STK32B: variants seen among roughly 807,000 people sequenced by gnomAD.
STK32B encodes the protein serine/threonine kinase 32B, also known as serine/threonine-protein kinase 32B.
A neutral mutation model predicts 52.6 loss-of-function variants in STK32B; 43 were observed. That is an observed-to-expected ratio of 0.82 (90% CI 0.64 to 1.05). The LOEUF (loss-of-function observed/expected upper bound fraction) is 1.05, where lower values mean the gene tolerates loss of function less well. Among genes scored for constraint, STK32B ranks in the 50% least tolerant of loss-of-function variants. The pLI, the probability that STK32B is intolerant of heterozygous loss-of-function variation, is 0.00. For synonymous variants in STK32B, 238 were observed against 204.3 expected (o/e 1.17, Z -1.41); for missense variants, 621 against 534.6 (o/e 1.16, Z -1.59).
chr4:5,204,976 G>C (rs1257599548), intron 3 of STK32B, among the ~76,000 whole-genome samples: 1 of 152,192 alleles, frequency 6.6e-6, no homozygotes, highest in Admixed American at 6.5e-5. Flanking sequence ...AAGCAGATTA[G>C]CATTTGAATC....
At chr4:5,319,300 C>T (rs28638108) in intron 3 of STK32B, among the ~76,000 whole-genome samples, 2 of 152,154 alleles carry the variant, frequency 1.3e-5, no homozygotes, top group Non-Finnish European at 2.9e-5. Context: ...GGTTTGTGTG[C>T]TCTCCTGAAT....
intron 6 of STK32B, chr4:5,436,572 C>T: frequency 1.0e-6 from 1 of 985,354 alleles, no homozygotes; most frequent in African/African-American, 1.7e-5. Flanking sequence ...AGAGGCCCAG[C>T]TGGGAAGCTA....
At chr4:5,256,549 C>T (rs1055498723) in intron 3 of STK32B, among the ~76,000 whole-genome samples, 6 of 152,214 alleles carry the variant, frequency 3.9e-5, no homozygotes, top group African/African-American at 1.2e-4. Context: ...AAACTCAAAG[C>T]ATTACTTGCT....
intron 3 of STK32B, among the ~76,000 whole-genome samples, chr4:5,220,607 AG>A (rs1444395176): frequency 6.6e-6 from 1 of 152,238 alleles, no homozygotes; most frequent in East Asian, 1.9e-4. Flanking sequence ...CTGGAAAGGC[AG>A]GGAGAAGGTC....
chr4:5,448,179 A>G (rs1422547346), intron 7 of STK32B, among the ~76,000 whole-genome samples: 1 of 152,240 alleles, frequency 6.6e-6, no homozygotes, highest in Non-Finnish European at 1.5e-5. Flanking sequence ...ATTTCCCCTG[A>G]ATTCCTCAAA....
intron 1 of STK32B, among the ~76,000 whole-genome samples, chr4:5,079,896 G>A (rs1044172538): frequency 2.0e-5 from 3 of 152,128 alleles, no homozygotes; most frequent in Non-Finnish European, 1.5e-5. Flanking sequence ...TCACTTATAT[G>A]TGATCTCTAA....
In STK32B at chr4:5,380,586, C is replaced by G. The variant is rs1402237500; in HGVS notation, c.435-17621C>G. On this transcript the variant is annotated intron_variant, in intron 4 of 11. Coordinates refer to ENST00000282908, the MANE Select transcript of STK32B (RefSeq NM_018401.3). This position sits in a 1 kb window ranked among gnomAD's most constrained non-coding sequence, Gnocchi z 4.3. ...TGCAAGTCCCACCCCATAGGAGCAG[C>G]TGGGACTGAGTACCCATGACACGCA... Among the ~76,000 whole-genome samples, 4 of 152,326 alleles carry G rather than the reference C, an allele frequency of 2.6e-5. No individual in the cohort carries two copies. The highest frequency in any genetic ancestry group is 9.6e-5 in the African/African-American group (4 of 41,576).
chr4:5,345,909 C>A (rs1041064212), intron 4 of STK32B, among the ~76,000 whole-genome samples: 1 of 152,178 alleles, frequency 6.6e-6, no homozygotes, highest in Non-Finnish European at 1.5e-5. Context: ...CAACATCCTC[C>A]CTCCCTGAAG....
intron 2 of STK32B, among the ~76,000 whole-genome samples, chr4:5,155,605 G>T (rs1473457318): frequency 6.6e-6 from 1 of 152,128 alleles, no homozygotes; most frequent in Non-Finnish European, 1.5e-5. Context: ...CAAGGGAGGG[G>T]CCTGGTGGGA....
At chr4:5,131,509 G>T (rs1293376931) in intron 1 of STK32B, among the ~76,000 whole-genome samples, 3 of 152,048 alleles carry the variant, frequency 2.0e-5, no homozygotes, top group Non-Finnish European at 4.4e-5. Flanking sequence ...AAACTTCCTA[G>T]AGCCCTTACC....
chr4:5,184,400 C>T (rs1720580347), intron 3 of STK32B, among the ~76,000 whole-genome samples: 1 of 152,090 alleles, frequency 6.6e-6, no homozygotes, highest in Non-Finnish European at 1.5e-5. Context: ...GCTCATGATG[C>T]CCCAAAACAA....
intron 3 of STK32B, among the ~76,000 whole-genome samples, chr4:5,262,727 A>C (rs564457423): frequency 6.6e-6 from 1 of 152,180 alleles, no homozygotes; most frequent in Non-Finnish European, 1.5e-5. Context: ...ACAGCATGTA[A>C]ATGTGATCTC....
chr4:5,401,874 GCTTGGCTGAT>G (rs1219801446), intron 5 of STK32B, among the ~76,000 whole-genome samples: 1 of 152,222 alleles, frequency 6.6e-6, no homozygotes, highest in African/African-American at 2.4e-5. Flanking sequence ...TCTAGGCTGG[GCTTGGCTGAT>G]CTTGGCTGGG....
chr4:5,452,461 AT>A (rs1303635817), intron 7 of STK32B, among the ~76,000 whole-genome samples: 5 of 152,160 alleles, frequency 3.3e-5, no homozygotes, highest in African/African-American at 1.2e-4. Context: ...TGTGATCTCC[AT>A]TCAAAGGAGG....
chr4:5,114,345 C>T (rs930231308), intron 1 of STK32B, among the ~76,000 whole-genome samples: 1 of 151,996 alleles, frequency 6.6e-6, no homozygotes, highest in Admixed American at 6.6e-5. Flanking sequence ...AGGAACCTTC[C>T]TGGACCCAGA....
rs965080520 is a variant in STK32B at position 5,378,834 on chromosome 4, A to G, written c.435-19373A>G. On this transcript the variant is annotated intron_variant, in intron 4 of 11. Coordinates refer to ENST00000282908, the MANE Select transcript of STK32B (RefSeq NM_018401.3). This position sits in a 1 kb window ranked among gnomAD's most constrained non-coding sequence, Gnocchi z 4.4. ...GCCCCATCCCGAAGACTCGGGCTTC[A>G]CTGCTGACTGGGGCTTGTGATCCTG... Among the ~76,000 whole-genome samples the G allele has an allele frequency of 3.3e-5, 5 of 152,158 alleles. No homozygotes were observed. Among genetic ancestry groups the G allele is most frequent in the African/African-American group, 1.2e-4 (5 of 41,422 alleles).
chr4:5,331,933 C>G (rs1732279560), intron 4 of STK32B, among the ~76,000 whole-genome samples: 2 of 152,156 alleles, frequency 1.3e-5, no homozygotes, highest in Admixed American at 6.5e-5. Flanking sequence ...AGCAAAGTGA[C>G]TTTGCCTGCA....
chr4:5,456,614 C>A (rs773307066), intron 7 of STK32B, among the ~76,000 whole-genome samples, 193 bp from the exon 8 acceptor site: 23 of 152,234 alleles, frequency 1.5e-4, no homozygotes, highest in Non-Finnish European at 2.2e-4. Flanking sequence ...CCTGCCAGGT[C>A]CTGCACTGCC....
chr4:5,155,653 T>C (rs962486913), intron 2 of STK32B, among the ~76,000 whole-genome samples: 1 of 152,112 alleles, frequency 6.6e-6, no homozygotes, highest in Non-Finnish European at 1.5e-5. Flanking sequence ...CCCATGCTGT[T>C]CTCATGATAG....
Sources: allele counts gnomAD v4.1 joint callset (sites outside exome capture counted in the v4.1 genomes callset), GRCh38; gene constraint gnomAD v4.1.1; non-coding constraint Gnocchi (gnomAD v3.1); transcripts MANE v1.5; gene names NCBI Gene and HGNC (gene_info 2026-07-23, HGNC 2026-07-21).